Variants in SPATA20 observed in about 807,000 individuals in gnomAD.
SPATA20 encodes the protein spermatogenesis-associated protein 20.
A neutral mutation model predicts 98.9 loss-of-function variants in SPATA20; 74 were observed. That is an observed-to-expected ratio of 0.75 (90% confidence interval 0.62 to 0.91). The LOEUF (loss-of-function observed/expected upper bound fraction) is 0.91, where lower values mean the gene tolerates loss of function less well. SPATA20 is among the 40% of genes least tolerant of loss of function. The pLI is 0.00. For missense variants in SPATA20, 1,016 were observed against 1,069.8 expected (o/e 0.95, Z 0.70); for synonymous variants, 430 against 440.5 (o/e 0.98, Z 0.30).
intron 15 of SPATA20, 72 bp downstream of exon 15, chr17:50,554,522 C>T: frequency 6.7e-7 from 1 of 1,502,074 alleles, no homozygotes; most frequent in Non-Finnish European, 9.1e-7. Flanking sequence ...CAGATGGGAA[C>T]AGGGGGTGGG....
Position 50,548,133 on chromosome 17 carries a change from G to T in SPATA20, c.126-150G>T, listed in dbSNP as rs946255286. ...CAAAAAACATAAGGGGGAGCACAAA[G>T]GCCACAGTCTCCCCCATGGTTCAGA... On this transcript the variant is annotated intron_variant, in intron 2 of 16. Coordinates refer to ENST00000006658, the MANE Select transcript of SPATA20 (RefSeq NM_022827.4). The T allele has an allele frequency of 4.0e-6, 6 of 1,495,044 alleles. No individual in the cohort carries two copies. The African/African-American group carries it at 7.0e-5, about 17-fold the overall frequency. The allele number at this position is 1,495,044 out of a possible 1,614,324, so 92.6% of individuals were successfully genotyped here.
At chr17:50,548,724 A>G (rs1297313597) in intron 4 of SPATA20, 86 bp from the exon 5 acceptor site, 8 of 1,589,392 alleles carry the variant, frequency 5.0e-6, no homozygotes, top group Non-Finnish European at 6.8e-6. Context: ...AGAGGCCAGG[A>G]CGTCTTCCAT....
rs369539840 is a variant in SPATA20, at chr17:50,550,908, C to T, written c.1374C>T (p.Ser458=). The change falls in exon 11 of 17, where the codon AGC becomes AGT. Residue 458 remains serine, a synonymous_variant. Coordinates refer to ENST00000006658, the MANE Select transcript of SPATA20 (RefSeq NM_022827.4). ...HYGLTEAGNI[S]PSQDPKGELQ... ...GCCTCACAGAGGCTGGTAACATCAG[C>T]CCCAGTCAGGTGAGGACTTCTGGGG... The T allele has an allele frequency of 2.5e-6, 4 of 1,612,978 alleles. No individual in the cohort carries two copies. The highest frequency in any genetic ancestry group is 1.3e-5 in the African/African-American group (1 of 75,070).
intron 12 of SPATA20, 147 bp downstream of exon 12, chr17:50,551,337 C>A: frequency 8.6e-7 from 1 of 1,160,830 alleles, no homozygotes; most frequent in Non-Finnish European, 1.2e-6. Context: ...GCTTGAGTAA[C>A]CCGCCCAAGG....
intron 14 of SPATA20, 124 bp from the exon 15 acceptor site, chr17:50,554,127 G>C: frequency 1.2e-6 from 1 of 804,726 alleles, no homozygotes; most frequent in East Asian, 2.7e-5. Context: ...CGGGGAAGGG[G>C]CAGGATGGGC....
chr17:50,548,226 G>C (rs1171135899), intron 2 of SPATA20, 57 bp from the exon 3 acceptor site: 38 of 1,585,104 alleles, frequency 2.4e-5, no homozygotes, highest in Non-Finnish European at 3.2e-5. Context: ...GTGCTGGGGG[G>C]CCTGGGAGAA....
rs1326102377 is a variant in SPATA20, at chr17:50,549,467, C to A, written c.842C>A (p.Ala281Asp). ...YDEEYGGFAE[A>D]PKFPTPVILS... ...GAGGAATACGGTGGCTTCGCTGAGG[C>A]CCCCAAGTTTCCCACGCCGGGTCAG... is the stretch of plus-strand genomic sequence containing the variant. The change falls in exon 7 of 17, where the codon GCC becomes GAC. Residue 281 changes from alanine to aspartate, a missense_variant. Ala to Asp is a moderately radical substitution (Grantham distance 126, BLOSUM62 -2). Coordinates refer to ENST00000006658, the MANE Select transcript of SPATA20 (RefSeq NM_022827.4). The A allele has an allele frequency of 1.2e-6, 2 of 1,612,046 alleles. No homozygotes were observed. The highest frequency in any genetic ancestry group is 2.2e-5 in the East Asian group (1 of 44,878).
chr17:50,549,914 C>T (rs1279766086), intron 7 of SPATA20, 71 bp from the exon 8 acceptor site: 1 of 1,496,960 alleles, frequency 6.7e-7, no homozygotes, highest in Middle Eastern at 1.8e-4. Flanking sequence ...TGGCCCAAGG[C>T]CTCCTGACCA....
In SPATA20 at chr17:50,555,234, C is replaced by A; in HGVS notation, c.2160C>A (p.Ile720=). The change falls in exon 16 of 17, where the codon ATC becomes ATA. Residue 720 remains isoleucine, a splice_region_variant and synonymous_variant. Coordinates refer to ENST00000006658, the MANE Select transcript of SPATA20 (RefSeq NM_022827.4). Reference sequence around the variant, plus strand: ...AGTGACCTTTCTATTCCGGTCAGATCGTGATCTGTGGAGACCGTCAGGCCA... The same window carrying A: ...AGTGACCTTTCTATTCCGGTCAGATAGTGATCTGTGGAGACCGTCAGGCCA... The part of the protein sequence containing the change: ...LSAQQQTLKQ[I]VICGDRQAKD... 6.2e-7 allele frequency: 1 copy of A among 1,613,754 alleles called. No homozygotes were observed. The highest frequency in any genetic ancestry group is 1.1e-5 in the South Asian group (1 of 91,066).
intron 13 of SPATA20, 77 bp from the exon 14 acceptor site, chr17:50,551,892 C>A (rs766072090): frequency 1.5e-6 from 2 of 1,365,894 alleles, no homozygotes; most frequent in South Asian, 1.3e-5. Flanking sequence ...TGAACAAATG[C>A]GTGAAAGGGC....
At chr17:50,549,578 C>A in intron 7 of SPATA20, 91 bp downstream of exon 7, 1 of 1,321,814 alleles carries the variant, frequency 7.6e-7, no homozygotes, top group South Asian at 1.3e-5. Flanking sequence ...TCACCCATAG[C>A]TTCCTGTCCT....
Position 50,550,200 on chromosome 17 carries a change from C to A in SPATA20, c.994-8C>A, listed in dbSNP as rs1367532519. 1 of 1,612,666 alleles carries A rather than the reference C, an allele frequency of 6.2e-7. No homozygotes were observed. The highest frequency in any genetic ancestry group is 1.7e-4 in the Middle Eastern group (1 of 6,054). ...CTGGGACTGGCCTCCAGCTTTGTAT[C>A]CGCACAGGGCTTTCACCGCTACTCC... On this transcript the variant is annotated splice_polypyrimidine_tract_variant and splice_region_variant and intron_variant, in intron 8 of 16. Coordinates refer to ENST00000006658, the MANE Select transcript of SPATA20 (RefSeq NM_022827.4).
intron 2 of SPATA20, 34 bp from the exon 3 acceptor site, chr17:50,548,249 C>T (rs757110123): frequency 1.9e-6 from 3 of 1,605,678 alleles, no homozygotes; most frequent in South Asian, 2.2e-5. Context: ...TGGGTGGAGG[C>T]CCCTGGCTTG....
At chr17:50,547,537 T>C in intron 1 of SPATA20, 183 bp from the exon 2 acceptor site, 2 of 686,164 alleles carry the variant, frequency 2.9e-6, no homozygotes, top group Non-Finnish European at 5.3e-6. Context: ...TCAGGGACTG[T>C]TCTGACACTG....
Position 50,555,844 on chromosome 17 carries a change from C to T in SPATA20, c.*182C>T. 1 of 548,528 alleles carries T rather than the reference C, an allele frequency of 1.8e-6. No individual in the cohort carries two copies. The highest frequency in any genetic ancestry group is 3.2e-6 in the Non-Finnish European group (1 of 314,788). 34.0% of individuals were successfully genotyped at this position (548,528 alleles called of 1,614,324 possible). A position where few individuals can be genotyped will look rare whatever the true frequency, so the allele number is the denominator to read the frequency against. On this transcript the variant is annotated 3_prime_UTR_variant, in exon 17 of 17. Transcript: ENST00000006658. ...ACCCTAGAATAAACTTAACAGTGTC[C>T]CGTGGTAACCTGAGGGCCTCAGCTT...
intron 7 of SPATA20, 52 bp from the exon 8 acceptor site, chr17:50,549,933 T>C: frequency 6.6e-7 from 1 of 1,517,028 alleles, no homozygotes; most frequent in Non-Finnish European, 8.8e-7. Context: ...CACCCCGATC[T>C]CTGTCCCCAC....
intron 15 of SPATA20, among the ~76,000 whole-genome samples, chr17:50,554,898 TG>T (rs1252341284): frequency 3.3e-5 from 2 of 61,278 alleles, no homozygotes; most frequent in East Asian, 4.8e-4. Context: ...TGTGTGTGTG[TG>T]TGTGTGTGTG....
Position 50,550,023 on chromosome 17 carries a change from C to G in SPATA20, c.901C>G (p.Arg301Gly). 6.3e-7 allele frequency: 1 copy of G among 1,578,440 alleles called. No homozygotes were observed. Among genetic ancestry groups the G allele is most frequent in the Non-Finnish European group, 8.6e-7 (1 of 1,156,336 alleles). The change falls in exon 8 of 17, where the codon CGA (arginine) becomes GGA (glycine). Residue 301 changes from arginine to glycine, a missense_variant. By Grantham distance (125) the Arg-to-Gly change is moderately radical. Transcript: ENST00000006658. ...CCTGTTCTCCTACTGGCTCAGCCAT[C>G]GACTGACTCAGGATGGCTCTCGGGC... is the stretch of plus-strand genomic sequence containing the variant. ...SFLFSYWLSH[R>G]LTQDGSRAQQ...
rs376424612 is a variant in SPATA20 at position 50,550,133 on chromosome 17, T to A, written c.993+18T>A. 5.0e-5 allele frequency: 81 copies of A among 1,612,728 alleles called. No individual in the cohort carries two copies. In the African/African-American group the frequency reaches 9.3e-4, roughly 19 times the overall value. On this transcript the variant is annotated intron_variant, in intron 8 of 16. Transcript: ENST00000006658. Reference sequence around the variant, plus strand: ...TGGGGCAGGTGACGGGCACTGGGTGTTCCCTGGAGGGGCAGCAGGGGGCTG... The same window carrying A: ...TGGGGCAGGTGACGGGCACTGGGTGATCCCTGGAGGGGCAGCAGGGGGCTG...
Sources: allele counts gnomAD v4.1 joint callset (sites outside exome capture counted in the v4.1 genomes callset), GRCh38; gene constraint gnomAD v4.1.1; transcripts MANE v1.5; gene names NCBI Gene and HGNC (gene_info 2026-07-23, HGNC 2026-07-21).